FOXP2: variants seen among roughly 807,000 people sequenced by gnomAD.
FOXP2 encodes forkhead box P2, also known as forkhead box protein P2.
FOXP2 carries 12 observed loss-of-function variants against 115.8 expected under a neutral mutation model. The ratio of observed to expected loss-of-function variants is 0.10; its 90% CI spans 0.07 to 0.17. The LOEUF (loss-of-function observed/expected upper bound fraction) is 0.17. FOXP2 is among the 10% of genes least tolerant of loss of function. The probability of loss-of-function intolerance (pLI) is 1.00; values close to 1 mark genes in which losing one functional copy is unlikely to be tolerated. For missense variants in FOXP2, 629 were observed against 843.5 expected, an observed-to-expected ratio of 0.75 and a Z score of 3.15; for synonymous variants, 328 against 297.7, an observed-to-expected ratio of 1.10 and a Z score of -1.05.
At chr7:114,171,516 T>C (rs970374367) in intron 1 of FOXP2, among the ~76,000 whole-genome samples, 9 of 152,162 alleles carry the variant, frequency 5.9e-5, no homozygotes, top group African/African-American at 2.2e-4. Context: ...GAGGCTGCAG[T>C]TGAGCTATTA....
At chr7:114,630,103 T>G (rs1198351009) in intron 5 of FOXP2, 98 bp downstream of exon 5, 5 of 1,594,092 alleles carry the variant, frequency 3.1e-6, no homozygotes, top group Non-Finnish European at 4.3e-6. Flanking sequence ...ACAAGGCTCT[T>G]GCTGTCAAAG....
chr7:114,326,900 T>A (rs1797567563), intron 2 of FOXP2, among the ~76,000 whole-genome samples: 1 of 152,188 alleles, frequency 6.6e-6, no homozygotes, highest in African/African-American at 2.4e-5. Flanking sequence ...AGTCAGTAGT[T>A]TTTATTAACC....
At chr7:114,219,093 A>G (rs955965012) in intron 1 of FOXP2, among the ~76,000 whole-genome samples, 3 of 152,208 alleles carry the variant, frequency 2.0e-5, no homozygotes, top group Non-Finnish European at 2.9e-5. Context: ...GTCTCAATTC[A>G]TTTTAGTTTA....
chr7:114,355,800 T>C (rs938773113), intron 2 of FOXP2, among the ~76,000 whole-genome samples: 4 of 152,166 alleles, frequency 2.6e-5, no homozygotes, highest in Non-Finnish European at 4.4e-5. Flanking sequence ...ATGGAAAAGG[T>C]ACATCTTTAC....
At chr7:114,286,685 C>G (rs566278119) in intron 1 of FOXP2, among the ~76,000 whole-genome samples, 14 of 152,098 alleles carry the variant, frequency 9.2e-5, no homozygotes, top group Admixed American at 2.6e-4. Context: ...ATATGAAGAA[C>G]AGGAATTCCA....
chr7:114,407,938 G>C (rs1793073297), intron 2 of FOXP2, among the ~76,000 whole-genome samples: 1 of 152,042 alleles, frequency 6.6e-6, no homozygotes, highest in Non-Finnish European at 1.5e-5. Flanking sequence ...TTTCTCAAAT[G>C]TTATTTCAGC....
Position 114,098,167 on chromosome 7 carries a change from G to A in FOXP2, c.-247+10329G>A, listed in dbSNP as rs540327853. On this transcript the variant is annotated intron_variant, in intron 1 of 19. Coordinates refer to the FOXP2 transcript ENST00000635638. The stretch of plus-strand genomic sequence containing the variant: ...GAAATGTAACAGAAACCGGGGAGAC[G>A]ATAAGCCTGGAGAAATTGGCCAGGG... Among the ~76,000 whole-genome samples, 269 of 152,270 alleles carry A rather than the reference G, an allele frequency of 1.8e-3. 1 individual carries two copies. Among genetic ancestry groups the A allele is most frequent in the Admixed American group, 2.8e-3 (43 of 15,290 alleles).
chr7:114,544,526 C>T (rs1488260298), intron 3 of FOXP2, among the ~76,000 whole-genome samples: 1 of 152,194 alleles, frequency 6.6e-6, no homozygotes, highest in Non-Finnish European at 1.5e-5. Flanking sequence ...AATCCTTACA[C>T]TTTTAATGCT....
intron 1 of FOXP2, among the ~76,000 whole-genome samples, chr7:114,424,760 ATTG>A (rs1388205268): frequency 6.6e-6 from 1 of 151,500 alleles, no homozygotes; most frequent in African/African-American, 2.4e-5. Flanking sequence ...TCGCTCAAAA[ATTG>A]TTTACTATAG....
At chr7:114,588,058 C>T (rs1802235923) in intron 3 of FOXP2, among the ~76,000 whole-genome samples, 1 of 151,534 alleles carries the variant, frequency 6.6e-6, no homozygotes, top group South Asian at 2.1e-4. Context: ...GCCTGTGATC[C>T]CAGCACTTTG....
At chr7:114,522,660 T>C (rs1798679898) in intron 2 of FOXP2, among the ~76,000 whole-genome samples, 1 of 152,182 alleles carries the variant, frequency 6.6e-6, no homozygotes, top group Non-Finnish European at 1.5e-5. Context: ...AAGGACACCG[T>C]AAAATTTACA....
At chr7:114,157,616 G>T (rs1174404849) in intron 1 of FOXP2, among the ~76,000 whole-genome samples, 1 of 152,076 alleles carries the variant, frequency 6.6e-6, no homozygotes, top group African/African-American at 2.4e-5. Flanking sequence ...GTATTCAGGA[G>T]CCCCTCCCTA....
intron 3 of FOXP2, among the ~76,000 whole-genome samples, chr7:114,589,899 CTGTTTT>C (rs1048873172): frequency 6.6e-6 from 1 of 151,798 alleles, no homozygotes; most frequent in African/African-American, 2.4e-5. Context: ...GGTGCCTTTT[CTGTTTT>C]TGTTTTTGTT....
At chr7:114,454,101 A>G (rs1411476942) in intron 2 of FOXP2, among the ~76,000 whole-genome samples, 1 of 150,030 alleles carries the variant, frequency 6.7e-6, no homozygotes, top group Non-Finnish European at 1.5e-5. Flanking sequence ...ATGGGAGAAA[A>G]TTTTCGCAAC....
At chr7:114,259,804 T>C (rs998240208) in intron 1 of FOXP2, among the ~76,000 whole-genome samples, 2 of 152,204 alleles carry the variant, frequency 1.3e-5, no homozygotes, top group African/African-American at 4.8e-5. Context: ...ATAAGAAGTT[T>C]AGGCATAATA....
intron 1 of FOXP2, among the ~76,000 whole-genome samples, chr7:114,271,210 A>G (rs1186607103): frequency 6.6e-6 from 1 of 151,816 alleles, no homozygotes; most frequent in Non-Finnish European, 1.5e-5. Flanking sequence ...ACAGCCAATC[A>G]TGTCTTCTGC....
chr7:114,192,239 C>G (rs1041989766), intron 1 of FOXP2, among the ~76,000 whole-genome samples: 1 of 152,168 alleles, frequency 6.6e-6, no homozygotes, highest in East Asian at 1.9e-4. Flanking sequence ...CCCGCCTTTG[C>G]CTCCCAAAGT....
intron 3 of FOXP2, among the ~76,000 whole-genome samples, chr7:114,543,848 A>G (rs1408566256): frequency 6.6e-6 from 1 of 152,188 alleles, no homozygotes; most frequent in Non-Finnish European, 1.5e-5. Flanking sequence ...ACCCAAAGTG[A>G]ACAAACAAGT....
intron 2 of FOXP2, among the ~76,000 whole-genome samples, chr7:114,307,953 A>G (rs1235960096): frequency 1.3e-5 from 2 of 152,126 alleles, no homozygotes; most frequent in Non-Finnish European, 2.9e-5. Flanking sequence ...AATGGACCAT[A>G]TGATTATTTT....
Sources: allele counts gnomAD v4.1 joint callset (sites outside exome capture counted in the v4.1 genomes callset), GRCh38; gene constraint gnomAD v4.1.1; transcripts MANE v1.5; gene names NCBI Gene and HGNC (gene_info 2026-07-23, HGNC 2026-07-21).